The following DCTN1 variants were observed in gnomAD, a reference collection of about 807,000 sequenced individuals.
DCTN1 encodes the protein dynactin subunit 1.
Under a neutral mutation model 161.2 loss-of-function variants are expected in DCTN1, and 61 were observed. The ratio of observed to expected loss-of-function variants is 0.38; its 90% CI spans 0.31 to 0.47. The LOEUF (loss-of-function observed/expected upper bound fraction) is 0.47, where lower values mean the gene tolerates loss of function less well. Ranked by LOEUF, DCTN1 falls within the 20% of genes least tolerant of loss-of-function variation. The probability of loss-of-function intolerance (pLI) is 0.99; values close to 1 mark genes in which losing one functional copy is unlikely to be tolerated. For missense variants in DCTN1, 1,404 were observed against 1,623.7 expected (o/e 0.86, Z 2.33); for synonymous variants, 653 against 632.4 (o/e 1.03, Z -0.49).
At chr2:74,384,399 C>T (rs1675640667), upstream of DCTN1, among the ~76,000 whole-genome samples, 1 of 152,198 alleles carries the variant, frequency 6.6e-6, no homozygotes, top group Non-Finnish European at 1.5e-5. Context: ...TCCCATAGGA[C>T]AATCCTGGGT....
intron 18 of DCTN1, 68 bp downstream of exon 18, chr2:74,367,628 T>C (rs1674520448): frequency 6.2e-7 from 1 of 1,607,262 alleles, no homozygotes; most frequent in East Asian, 2.2e-5. Context: ...TTGAATATAT[T>C]AGTAAGAGCC....
chr2:74,390,147 C>A (rs1437849197), intron 1 of DCTN1, among the ~76,000 whole-genome samples: 3 of 152,198 alleles, frequency 2.0e-5, no homozygotes, highest in African/African-American at 7.2e-5. Flanking sequence ...CCCCACTACA[C>A]TCCACAGAGA....
At chr2:74,377,293 C>A in intron 4 of DCTN1, 139 bp downstream of exon 4, 1 of 779,842 alleles carries the variant, frequency 1.3e-6, no homozygotes, top group Non-Finnish European at 2.3e-6. Flanking sequence ...CCCAGAAAGC[C>A]TCCTTCTTAG....
intron 24 of DCTN1, 65 bp downstream of exon 24, chr2:74,365,828 C>T: frequency 6.2e-7 from 1 of 1,613,990 alleles, no homozygotes. Context: ...ATCCCCAACA[C>T]TCACTGCTTT....
rs1675305527 is a variant in DCTN1 at position 74,377,698 on chromosome 2, G to A, written c.308C>T (p.Thr103Ile). The A allele has an allele frequency of 2.5e-6, 4 of 1,613,960 alleles. No individual in the cohort carries two copies. Among genetic ancestry groups the A allele is most frequent in the Non-Finnish European group, 3.4e-6 (4 of 1,179,958 alleles). Residue 103 changes from threonine to isoleucine, a missense_variant, in exon 3 of 32, where the codon ACT (threonine) becomes ATT (isoleucine). Around this residue, in one of 9 missense-constraint regions of DCTN1, gnomAD observed 174 missense variants for 175.6 expected, o/e 0.99. Coordinates refer to ENST00000628224, the MANE Select transcript of DCTN1 (RefSeq NM_004082.5). ...AGAATCAGGTGTCTCTGGGGAAGTA[G>A]TATCTGCTCCATCTTCAAATACCTG... ...QIQVFEDGAD[T>I]TSPETPDSSA...
In DCTN1 at chr2:74,380,170, A is replaced by G; in HGVS notation, c.-133T>C. The G allele has an allele frequency of 1.1e-6, 1 of 940,616 alleles. No individual in the cohort carries two copies. Among genetic ancestry groups the G allele is most frequent in the East Asian group, 2.6e-5 (1 of 39,192 alleles). The allele number at this position is 940,616 out of a possible 1,614,324, so 58.3% of individuals were successfully genotyped here. On this transcript the variant is annotated 5_prime_UTR_variant, in exon 1 of 32. Transcript: ENST00000628224. ...GGAGTCGTCAGGCACAGCCCTCCCC[A>G]GTCCATGGGCCTCACTCGGTGGCCT...
intron 1 of DCTN1, among the ~76,000 whole-genome samples, chr2:74,390,416 AT>A (rs998517860): frequency 1.3e-5 from 2 of 152,252 alleles, no homozygotes; most frequent in African/African-American, 2.4e-5. Context: ...GATGCCCTAT[AT>A]GCAGATAATT....
rs1414561388 is a variant in DCTN1, at chr2:74,366,304, C to T, written c.2700G>A (p.Met900Ile). The change falls in exon 23 of 32, where the codon ATG becomes ATA. Residue 900 changes from methionine to isoleucine, a missense_variant. Physicochemically the swap from Met to Ile is conservative, Grantham distance 10 (BLOSUM62 1). Transcript: ENST00000628224. ...CCTGCATGGCTGTGGCCAGCTTGTT[C>T]ATGGTACTGATGAGGATGTTGCATG... is the stretch of plus-strand genomic sequence containing the variant. ...RQSCNILIST[M>I]NKLATAMQEG... The T allele has an allele frequency of 1.2e-6, 2 of 1,614,236 alleles. No individual in the cohort carries two copies. Among genetic ancestry groups the T allele is most frequent in the South Asian group, 2.2e-5 (2 of 91,080 alleles).
chr2:74,368,040 T>G lies in DCTN1; in HGVS notation c.1946A>C (p.Gln649Pro). The change falls in exon 17 of 32, where the codon CAA becomes CCA. Residue 649 changes from glutamine to proline, a missense_variant. Around this residue, in one of 9 missense-constraint regions of DCTN1, gnomAD observed 475 missense variants for 489.8 expected, o/e 0.97. Coordinates refer to ENST00000628224, the MANE Select transcript of DCTN1 (RefSeq NM_004082.5). ...RPGLRGAAGE[Q>P]LSFAAGLVYS... ...CACCAGTCCAGCAGCAAAGCTGAGT[T>G]GCTCCCCAGCAGCTCCTCGCAGCCC... 1 of 1,614,124 alleles carries G rather than the reference T, an allele frequency of 6.2e-7. No homozygotes were observed. The highest frequency in any genetic ancestry group is 8.5e-7 in the Non-Finnish European group (1 of 1,179,986).
rs767128134 is a variant in DCTN1 at position 74,366,263 on chromosome 2, G to A, written c.2741C>T (p.Ala914Val). 1.2e-6 allele frequency: 2 copies of A among 1,614,158 alleles called. No homozygotes were observed. Among genetic ancestry groups the A allele is most frequent in the African/African-American group, 1.3e-5 (1 of 75,036 alleles). The change falls in exon 23 of 32, where the codon GCA becomes GTA. Residue 914 changes from alanine to valine, a missense_variant. By Grantham distance (64) the Ala-to-Val change is moderately conservative. This residue lies in a region of DCTN1 where 475 missense variants were observed against 489.8 expected (regional missense o/e 0.97). Coordinates refer to ENST00000628224, the MANE Select transcript of DCTN1 (RefSeq NM_004082.5). ...ATAMQEGEYDAERPPSKPPPV... is the reference protein window; with the variant it reads ...ATAMQEGEYDVERPPSKPPPV... ...ACCTACCTTGCTGGGGGGCCGCTCT[G>A]CATCATACTCCCCCTCCTGCATGGC... is the stretch of plus-strand genomic sequence containing the variant.
chr2:74,365,211 C>A lies in DCTN1; in HGVS notation c.3060G>T (p.Gln1020His). The A allele has an allele frequency of 6.2e-7, 1 of 1,614,194 alleles. No individual in the cohort carries two copies. Among genetic ancestry groups the A allele is most frequent in the Non-Finnish European group, 8.5e-7 (1 of 1,180,038 alleles). ...CTGCCTCCAGCTGGTCGATGTCAGC[C>A]TGGAGTGCATCCATTGTCTCCTCAA... The part of the protein sequence containing the change: ...KEFEETMDAL[Q>H]ADIDQLEAEK... Residue 1020 changes from glutamine (Q) to histidine (H), a missense_variant, in exon 26 of 32, where the codon CAG (glutamine) becomes CAT (histidine). Physicochemically the swap from Gln to His is conservative, Grantham distance 24. Transcript: ENST00000628224.
In DCTN1 at chr2:74,370,842, G is replaced by A. The variant is rs1218883920; in HGVS notation, c.844-17C>T. 15 of 1,614,124 alleles carry A rather than the reference G, an allele frequency of 9.3e-6. No individual in the cohort carries two copies. Among genetic ancestry groups the A allele is most frequent in the Admixed American group, 1.7e-5 (1 of 60,032 alleles). ...CTTGGCTTCCTGAGGAAGAAGTGGAGGTGGGAGGGGGTACCAGCACAGAGA... is the reference window on the plus strand; with the variant it reads ...CTTGGCTTCCTGAGGAAGAAGTGGAAGTGGGAGGGGGTACCAGCACAGAGA... On this transcript the variant is annotated splice_polypyrimidine_tract_variant and intron_variant, in intron 9 of 31. Transcript: ENST00000628224. The surrounding 1 kb of genome is among the most constrained non-coding windows in gnomAD (Gnocchi z 4.4).
intron 1 of DCTN1, chr2:74,391,508 C>G (rs1675996545): frequency 3.2e-6 from 1 of 310,900 alleles, no homozygotes; most frequent in Admixed American, 4.6e-5. Flanking sequence ...GATTCAGGGG[C>G]GCCTCAGACG....
At position 74,368,714 on chromosome 2, in the gene DCTN1, T is replaced by C. The variant is rs1674607235; in HGVS notation, c.1854+14A>G. The C allele has an allele frequency of 6.2e-7, 1 of 1,614,138 alleles. No homozygotes were observed. Among genetic ancestry groups the C allele is most frequent in the Admixed American group, 1.7e-5 (1 of 60,012 alleles). On this transcript the variant is annotated intron_variant, in intron 16 of 31. Coordinates refer to ENST00000628224, the MANE Select transcript of DCTN1 (RefSeq NM_004082.5). ...CACTAGATTTCTGTGGAACATGTGA[T>C]TGATTGGCCATACCTTGCAAATGAG...
chr2:74,361,375 G>A lies in DCTN1; in HGVS notation c.*124C>T, dbSNP rs771866623. On this transcript the variant is annotated 3_prime_UTR_variant, in exon 32 of 32. Coordinates refer to ENST00000628224, the MANE Select transcript of DCTN1 (RefSeq NM_004082.5). ...AGGACGCTGAAAGGGTGGGAGTGAAGCTGAACGGGGCAGGAAGAGCTTAAC... is the reference window on the plus strand; with the variant it reads ...AGGACGCTGAAAGGGTGGGAGTGAAACTGAACGGGGCAGGAAGAGCTTAAC... 8 of 1,389,618 alleles carry A rather than the reference G, an allele frequency of 5.8e-6. No individual in the cohort carries two copies. Among genetic ancestry groups the A allele is most frequent in the Middle Eastern group, 2.4e-4 (1 of 4,222 alleles). The allele number at this position is 1,389,618 out of a possible 1,614,324, so 86.1% of individuals were successfully genotyped here.
intron 5 of DCTN1, chr2:74,374,774 G>GCTC (rs1675124245): frequency 9.0e-7 from 1 of 1,108,270 alleles, no homozygotes; most frequent in Non-Finnish European, 1.1e-6. Context: ...GGCTTTGCTG[G>GCTC]CTCCTCCTCC....
chr2:74,363,380 C>A lies in DCTN1; in HGVS notation c.3259G>T (p.Val1087Leu), dbSNP rs760879395. Reference sequence around the variant, plus strand: ...TGAAGCAGCAGTGGTGAGTCCTTCACCAGCCCTGGGCCTGGCACAGACCCT... The same window carrying A: ...TGAAGCAGCAGTGGTGAGTCCTTCAACAGCCCTGGGCCTGGCACAGACCCT... ...APGSVPGPGL[V>L]KDSPLLLQQI... The change falls in exon 28 of 32, where the codon GTG becomes TTG. Residue 1087 changes from valine (V) to leucine (L), a missense_variant. Val to Leu is a conservative substitution (Grantham distance 32). Coordinates refer to ENST00000628224, the MANE Select transcript of DCTN1 (RefSeq NM_004082.5). The A allele has an allele frequency of 6.2e-7, 1 of 1,612,534 alleles. No homozygotes were observed. Among genetic ancestry groups the A allele is most frequent in the Admixed American group, 1.7e-5 (1 of 59,908 alleles).
Position 74,370,137 on chromosome 2 carries a change from T to C in DCTN1, c.1287+49A>G, listed in dbSNP as rs767749130. ...CCTAGAAAGAGGAGGCATCAACTGA[T>C]AGGAGAGTCAGGTGGGGGATTCTGG... is the stretch of plus-strand genomic sequence containing the variant. On this transcript the variant is annotated intron_variant, in intron 12 of 31. Coordinates refer to ENST00000628224, the MANE Select transcript of DCTN1 (RefSeq NM_004082.5). This position sits in a 1 kb window ranked among gnomAD's most constrained non-coding sequence, Gnocchi z 4.4. 9.3e-6 allele frequency: 15 copies of C among 1,613,990 alleles called. No individual in the cohort carries two copies. The highest frequency in any genetic ancestry group is 1.2e-5 in the Non-Finnish European group (14 of 1,180,010).
chr2:74,366,248 C>A lies in DCTN1; in HGVS notation c.2756G>T (p.Ser919Ile). 1.2e-6 allele frequency: 2 copies of A among 1,614,122 alleles called. No homozygotes were observed. The highest frequency in any genetic ancestry group is 2.7e-5 in the African/African-American group (2 of 75,046). ...EGEYDAERPP[S>I]KPPPVELRAA... ...TCCAAGGAAATCTCCACCTACCTTG[C>A]TGGGGGGCCGCTCTGCATCATACTC... is the stretch of plus-strand genomic sequence containing the variant. Residue 919 changes from serine (S) to isoleucine (I), a missense_variant, in exon 23 of 32, where the codon AGC (serine) becomes ATC (isoleucine). Around this residue, in one of 9 missense-constraint regions of DCTN1, gnomAD observed 475 missense variants for 489.8 expected, o/e 0.97. Coordinates refer to ENST00000628224, the MANE Select transcript of DCTN1 (RefSeq NM_004082.5).
Sources: gnomAD v4.1 joint callset for allele counts (sites outside exome capture counted in the v4.1 genomes callset) on GRCh38, gnomAD v4.1.1 for gene constraint, gnomAD v4.1.1 regional missense constraint, Gnocchi (gnomAD v3.1) non-coding constraint, MANE v1.5 for transcripts, NCBI Gene and HGNC (gene_info 2026-07-23, HGNC 2026-07-21) for gene names.